Variants in ST6GALNAC3 observed in about 807,000 individuals in gnomAD.
The protein encoded by ST6GALNAC3 is alpha-N-acetylgalactosaminide alpha-2,6-sialyltransferase 3.
A neutral mutation model predicts 32.7 loss-of-function variants in ST6GALNAC3; 25 were observed. The observed-to-expected ratio is 0.76, with a 90% CI of 0.56 to 1.07. ST6GALNAC3 has a LOEUF of 1.07. Among genes scored for constraint, ST6GALNAC3 ranks in the 50% least tolerant of loss-of-function variants. The pLI, the probability that ST6GALNAC3 is intolerant of heterozygous loss-of-function variation, is 0.00. For synonymous variants in ST6GALNAC3, 129 were observed against 133.1 expected (o/e 0.97, Z 0.21); for missense variants, 355 against 382.4 (o/e 0.93, Z 0.60).
At chr1:76,124,628 C>A (rs1219940525) in intron 1 of ST6GALNAC3, among the ~76,000 whole-genome samples, 1 of 152,190 alleles carries the variant, frequency 6.6e-6, no homozygotes, top group Non-Finnish European at 1.5e-5. Context: ...CTGGCCCCAA[C>A]TTTTTTCCCT....
intron 1 of ST6GALNAC3, among the ~76,000 whole-genome samples, chr1:76,122,088 C>G (rs149326416): frequency 6.6e-6 from 1 of 152,320 alleles, no homozygotes; most frequent in Admixed American, 6.5e-5. Flanking sequence ...CTTGGCACGA[C>G]TGACCATGTA....
intron 3 of ST6GALNAC3, among the ~76,000 whole-genome samples, chr1:76,540,329 G>A (rs1271355505): frequency 6.6e-6 from 1 of 152,058 alleles, no homozygotes; most frequent in Non-Finnish European, 1.5e-5. Context: ...ACACAAAGAG[G>A]GGAACAACAC....
intron 2 of ST6GALNAC3, among the ~76,000 whole-genome samples, chr1:76,334,683 A>G (rs1647323286): frequency 1.3e-5 from 2 of 152,194 alleles, no homozygotes; most frequent in African/African-American, 2.4e-5. Flanking sequence ...ATTCTTCCCA[A>G]TCTTGCCTGA....
intron 1 of ST6GALNAC3, among the ~76,000 whole-genome samples, chr1:76,167,456 G>C (rs905782663): frequency 6.6e-6 from 1 of 152,228 alleles, no homozygotes; most frequent in Admixed American, 6.5e-5. Flanking sequence ...TCCTTTTGTT[G>C]TTGTTGTGTG....
Position 76,583,903 on chromosome 1 carries a change from T to G in ST6GALNAC3, c.624-43549T>G, listed in dbSNP as rs186591545. On this transcript the variant is annotated intron_variant, in intron 3 of 4. Coordinates refer to ENST00000328299, the MANE Select transcript of ST6GALNAC3 (RefSeq NM_152996.4). ...ATAACAATGTTGACCCATCTTAAGCTTCTTCAACAAAGATCTCCATATTTT... is the reference window on the plus strand; with the variant it reads ...ATAACAATGTTGACCCATCTTAAGCGTCTTCAACAAAGATCTCCATATTTT... Among the ~76,000 whole-genome samples the G allele has an allele frequency of 2.6e-5, 4 of 152,336 alleles. No individual in the cohort carries two copies. The East Asian group carries it at 7.7e-4, about 29-fold the overall frequency.
At chr1:76,561,895 G>T (rs1282721179) in intron 3 of ST6GALNAC3, among the ~76,000 whole-genome samples, 2 of 152,124 alleles carry the variant, frequency 1.3e-5, no homozygotes, top group Non-Finnish European at 2.9e-5. Flanking sequence ...AATGTATGAG[G>T]TCCATACAAT....
chr1:76,183,415 C>T (rs1653316654), intron 1 of ST6GALNAC3, among the ~76,000 whole-genome samples: 2 of 151,894 alleles, frequency 1.3e-5, no homozygotes. Context: ...CAAATAATGA[C>T]TATATACACA....
intron 1 of ST6GALNAC3, among the ~76,000 whole-genome samples, chr1:76,157,749 A>G (rs1239198407): frequency 6.6e-6 from 1 of 152,198 alleles, no homozygotes. Flanking sequence ...CCATTACAGT[A>G]ATGTACAGAA....
At chr1:76,202,305 T>TAC (rs1557693016) in intron 1 of ST6GALNAC3, among the ~76,000 whole-genome samples, 4 of 150,710 alleles carry the variant, frequency 2.7e-5, no homozygotes, top group South Asian at 2.1e-4. Context: ...TGTGTGTGTA[T>TAC]GTACATACAC....
intron 3 of ST6GALNAC3, among the ~76,000 whole-genome samples, chr1:76,514,243 T>C (rs1339523683): frequency 2.0e-5 from 3 of 152,190 alleles, no homozygotes; most frequent in African/African-American, 7.2e-5. Context: ...GTACATACCT[T>C]TTATACTTAA....
chr1:76,459,919 T>G (rs1049968276), intron 3 of ST6GALNAC3, among the ~76,000 whole-genome samples: 1 of 152,248 alleles, frequency 6.6e-6, no homozygotes, highest in African/African-American at 2.4e-5. Flanking sequence ...ATTTCTCTTT[T>G]GGCTACTGTG....
intron 3 of ST6GALNAC3, among the ~76,000 whole-genome samples, chr1:76,575,569 A>G (rs1646788731): frequency 6.6e-6 from 1 of 152,116 alleles, no homozygotes; most frequent in Non-Finnish European, 1.5e-5. Flanking sequence ...TAGTGAGCGC[A>G]TTAAGATTAA....
intron 3 of ST6GALNAC3, among the ~76,000 whole-genome samples, chr1:76,506,534 C>A (rs1191169178): frequency 6.6e-6 from 1 of 152,304 alleles, no homozygotes; most frequent in Middle Eastern, 3.4e-3. Context: ...ACTTTCCCAA[C>A]CCATTTCTCA....
intron 3 of ST6GALNAC3, among the ~76,000 whole-genome samples, chr1:76,487,283 G>T (rs573627163): frequency 6.6e-6 from 1 of 152,240 alleles, no homozygotes; most frequent in East Asian, 1.9e-4. Context: ...GCCTCGCTAG[G>T]TTGGGGGAGT....
intron 3 of ST6GALNAC3, among the ~76,000 whole-genome samples, chr1:76,425,971 T>C (rs1655350027): frequency 6.6e-6 from 1 of 151,844 alleles, no homozygotes; most frequent in South Asian, 2.1e-4. Flanking sequence ...TTAAGTAAAG[T>C]TTATGATAAT....
intron 3 of ST6GALNAC3, among the ~76,000 whole-genome samples, chr1:76,490,653 CT>C (rs1317784228): frequency 2.0e-5 from 3 of 151,698 alleles, no homozygotes; most frequent in Admixed American, 1.3e-4. Context: ...ATTCTCAGAG[CT>C]TTTCTAATAT....
At chr1:76,175,290 C>T (rs139522657) in intron 1 of ST6GALNAC3, among the ~76,000 whole-genome samples, 1 of 152,086 alleles carries the variant, frequency 6.6e-6, no homozygotes, top group Non-Finnish European at 1.5e-5. Context: ...TTTGGGAGTA[C>T]TTGTTTTTTC....
At chr1:76,112,525 C>G (rs1648095320) in intron 1 of ST6GALNAC3, among the ~76,000 whole-genome samples, 1 of 151,790 alleles carries the variant, frequency 6.6e-6, no homozygotes, top group Non-Finnish European at 1.5e-5. Context: ...GTATTGACCC[C>G]CACCTCCCTC....
rs1023583688 is a variant in ST6GALNAC3 at position 76,513,438 on chromosome 1, GT to G, written c.623+101022del. ...CACCTCTGTTGAAAATAAGTTGAAT[GT>G]AGCTAGGTGAATTTATTTCTGGGCT... On this transcript the variant is annotated intron_variant, in intron 3 of 4. Coordinates refer to ENST00000328299, the MANE Select transcript of ST6GALNAC3 (RefSeq NM_152996.4). Among the ~76,000 whole-genome samples the G allele has an allele frequency of 1.7e-4, 26 of 152,242 alleles. 1 individual carries two copies. The highest frequency in any genetic ancestry group is 6.3e-4 in the African/African-American group (26 of 41,562).
Sources: gnomAD v4.1 joint callset for allele counts (sites outside exome capture counted in the v4.1 genomes callset) on GRCh38, gnomAD v4.1.1 for gene constraint, MANE v1.5 for transcripts, NCBI Gene and HGNC (gene_info 2026-07-23, HGNC 2026-07-21) for gene names.